Variants in CDYL observed in about 807,000 individuals in gnomAD.
The protein encoded by CDYL is chromodomain Y like.
A neutral mutation model predicts 47.3 loss-of-function variants in CDYL; 8 were observed. The ratio of observed to expected loss-of-function variants is 0.17; its 90% CI spans 0.10 to 0.31. The LOEUF (loss-of-function observed/expected upper bound fraction) is 0.31. Among genes scored for constraint, CDYL ranks in the 10% least tolerant of loss-of-function variants. The pLI is 1.00. For synonymous variants in CDYL, 266 were observed against 265.0 expected (o/e 1.00, Z -0.04); for missense variants, 471 against 701.4 (o/e 0.67, Z 3.71).
rs1318068711 is a variant in CDYL, at chr6:4,819,148, CTCTCTCTCTCTCTCTG to C, written c.24+42343_24+42358del. Among the ~76,000 whole-genome samples, 75 of 142,086 alleles carry C rather than the reference CTCTCTCTCTCTCTCTG, an allele frequency of 5.3e-4. 1 individual carries two copies. Among genetic ancestry groups the C allele is most frequent in the African/African-American group, 2.1e-3 (73 of 34,922 alleles). 93.2% of individuals were successfully genotyped at this position (142,086 alleles called of 152,430 possible). ...TCTCTCTCTCTCTCTCTCTCTCTCT[CTCTCTCTCTCTCTCTG>C]TGTGTGTGTGTGTGTGTGTAGCTCT... On this transcript the variant is annotated intron_variant, in intron 1 of 6. Coordinates refer to ENST00000397588, the MANE Select transcript of CDYL (RefSeq NM_004824.4).
At chr6:4,752,885 T>G in intron 3 of CDYL, among the ~76,000 whole-genome samples, 1 of 146,290 alleles carries the variant, frequency 6.8e-6, no homozygotes, top group African/African-American at 2.7e-5. Flanking sequence ...GGTAGGTATG[T>G]AGGTAGGTAG....
chr6:4,790,776 A>T (rs1400962185), intron 1 of CDYL, among the ~76,000 whole-genome samples: 2 of 152,262 alleles, frequency 1.3e-5, no homozygotes, highest in African/African-American at 4.8e-5. Context: ...GAGGTTAAGC[A>T]AATTTGCAGG....
At chr6:4,905,696 A>C (rs977784036) in intron 2 of CDYL, among the ~76,000 whole-genome samples, 5 of 152,250 alleles carry the variant, frequency 3.3e-5, no homozygotes, top group African/African-American at 9.6e-5. Context: ...GGCTTTCTGC[A>C]TGCTGCACGC....
intron 3 of CDYL, among the ~76,000 whole-genome samples, chr6:4,766,457 T>G (rs982873976): frequency 6.6e-6 from 1 of 151,976 alleles, no homozygotes; most frequent in African/African-American, 2.4e-5. Flanking sequence ...GTGATCCACC[T>G]GCCTCAGCCT....
chr6:4,954,277 T>A lies in CDYL; in HGVS notation c.*221T>A. On this transcript the variant is annotated 3_prime_UTR_variant, in exon 7 of 7. Coordinates refer to ENST00000397588, the MANE Select transcript of CDYL (RefSeq NM_004824.4). Reference sequence around the variant, plus strand: ...AAGCTTCTTTGTCCAAACGTCATTATTTTATACTTATATACACGCAGGTGT... The same window carrying A: ...AAGCTTCTTTGTCCAAACGTCATTAATTTATACTTATATACACGCAGGTGT... The A allele has an allele frequency of 2.3e-6, 1 of 440,412 alleles. No individual in the cohort carries two copies. The highest frequency in any genetic ancestry group is 4.0e-6 in the Non-Finnish European group (1 of 248,954). The allele number at this position is 440,412 out of a possible 1,614,324, so 27.3% of individuals were successfully genotyped here.
intron 3 of CDYL, among the ~76,000 whole-genome samples, chr6:4,762,996 T>C (rs866282357): frequency 3.3e-5 from 5 of 152,174 alleles, no homozygotes; most frequent in Middle Eastern, 3.4e-3. Context: ...ATAGTAAAAC[T>C]GCTGAAAACC....
intron 2 of CDYL, among the ~76,000 whole-genome samples, chr6:4,910,277 C>T (rs1757372812): frequency 6.6e-6 from 1 of 152,206 alleles, no homozygotes; most frequent in East Asian, 1.9e-4. Flanking sequence ...AGGCAGTGCT[C>T]ACTTGCTCAG....
At chr6:4,831,202 A>G (rs1760133596) in intron 1 of CDYL, among the ~76,000 whole-genome samples, 1 of 152,240 alleles carries the variant, frequency 6.6e-6, no homozygotes, top group East Asian at 1.9e-4. Flanking sequence ...TAGGGTTTTT[A>G]TGGTTTTAGG....
chr6:4,719,720 A>C (rs1757334479), intron 2 of CDYL, among the ~76,000 whole-genome samples: 1 of 152,254 alleles, frequency 6.6e-6, no homozygotes, highest in East Asian at 1.9e-4. Context: ...AGTCATTTTG[A>C]ATTAGAATCA....
chr6:4,843,438 C>T (rs998824797), intron 1 of CDYL, among the ~76,000 whole-genome samples: 3 of 151,272 alleles, frequency 2.0e-5, no homozygotes, highest in African/African-American at 7.3e-5. Context: ...GATTTCTCTT[C>T]TTCCTCAGTA....
intron 1 of CDYL, among the ~76,000 whole-genome samples, chr6:4,782,066 G>T (rs1758632145): frequency 6.6e-6 from 1 of 151,726 alleles, no homozygotes; most frequent in African/African-American, 2.4e-5. Context: ...GGAGGTGGGT[G>T]GGGGTGGGTT....
At chr6:4,762,890 G>A (rs2127423441) in intron 3 of CDYL, among the ~76,000 whole-genome samples, 1 of 152,228 alleles carries the variant, frequency 6.6e-6, no homozygotes, top group East Asian at 1.9e-4. Flanking sequence ...GATAATGGCT[G>A]ACAAAATTTT....
At chr6:4,795,127 G>A (rs1001878173) in intron 1 of CDYL, among the ~76,000 whole-genome samples, 4 of 151,140 alleles carry the variant, frequency 2.6e-5, no homozygotes, top group African/African-American at 4.9e-5. Context: ...AATAAAAGCT[G>A]TGAATATTTG....
chr6:4,895,433 G>GTATACGTA lies in CDYL; in HGVS notation c.691+3059_691+3066dup, dbSNP rs1396420447. Among the ~76,000 whole-genome samples the GTATACGTA allele has an allele frequency of 1.1e-3, 4 of 3,742 alleles. 1 individual carries two copies. The highest frequency in any genetic ancestry group is 1.2e-3 in the African/African-American group (4 of 3,330). The allele number at this position is 3,742 out of a possible 152,430, so 2.5% of individuals were successfully genotyped here. On this transcript the variant is annotated intron_variant, in intron 2 of 6. Transcript: ENST00000397588. The stretch of plus-strand genomic sequence containing the variant: ...TATACGTATATATGCATGTATACAT[G>GTATACGTA]TATACGTATATATGCATATATACAT...
chr6:4,864,950 A>G lies in CDYL; in HGVS notation c.25-26763A>G, dbSNP rs542669320. On this transcript the variant is annotated intron_variant, in intron 1 of 6. Transcript: ENST00000397588. ...ACTATAGAAAAAGCAAGAGTGTTAG[A>G]GTGAACTCCAAGTTTCTCTTCAAAG... Among the ~76,000 whole-genome samples the G allele has an allele frequency of 2.0e-5, 3 of 152,344 alleles. No individual in the cohort carries two copies. The East Asian group carries it at 5.8e-4, about 29-fold the overall frequency.
intron 2 of CDYL, among the ~76,000 whole-genome samples, chr6:4,922,185 G>T (rs1379598911): frequency 1.3e-5 from 2 of 152,104 alleles, no homozygotes; most frequent in Non-Finnish European, 2.9e-5. Flanking sequence ...TGGGGGTTGG[G>T]TGAGACACCT....
chr6:4,883,053 G>A (rs146474429), intron 1 of CDYL, among the ~76,000 whole-genome samples: 1 of 152,160 alleles, frequency 6.6e-6, no homozygotes, highest in Non-Finnish European at 1.5e-5. Context: ...CTGTGTAAGC[G>A]ACCTAAAATT....
rs189083966 is a variant in CDYL at position 4,905,251 on chromosome 6, T to C, written c.691+12872T>C. ...CAACCCTCTCCAGCCTGAATAGGAA[T>C]GTTAAACCCACTCAGGAATTCTCGT... is the stretch of plus-strand genomic sequence containing the variant. On this transcript the variant is annotated intron_variant, in intron 2 of 6. Coordinates refer to ENST00000397588, the MANE Select transcript of CDYL (RefSeq NM_004824.4). Among the ~76,000 whole-genome samples the C allele has an allele frequency of 4.6e-5, 7 of 152,306 alleles. No individual in the cohort carries two copies. The East Asian group carries it at 1.2e-3, about 25-fold the overall frequency.
chr6:4,792,425 A>T (rs554796781), intron 1 of CDYL, among the ~76,000 whole-genome samples: 2 of 149,426 alleles, frequency 1.3e-5, no homozygotes, highest in East Asian at 2.0e-4. Context: ...ATTTTTATTT[A>T]AAAAAAAATT....
Sources: gnomAD v4.1 joint callset for allele counts (sites outside exome capture counted in the v4.1 genomes callset) on GRCh38, gnomAD v4.1.1 for gene constraint, MANE v1.5 for transcripts, NCBI Gene and HGNC (gene_info 2026-07-23, HGNC 2026-07-21) for gene names.